LMNTD2: variants seen among roughly 807,000 people sequenced by gnomAD.
The protein encoded by LMNTD2 is lamin tail domain-containing protein 2.
A neutral mutation model predicts 70.1 loss-of-function variants in LMNTD2; 83 were observed. The ratio of observed to expected loss-of-function variants is 1.18; its 90% CI spans 0.99 to 1.42. The LOEUF is 1.42. Ranked by LOEUF, LMNTD2 falls within the 40% of genes most tolerant of loss-of-function variation. LMNTD2 has a pLI of 0.00. For missense variants in LMNTD2, 1,153 were observed against 905.9 expected, an observed-to-expected ratio of 1.27 and a Z score of -3.50; for synonymous variants, 534 against 406.1, an observed-to-expected ratio of 1.31 and a Z score of -3.79.
At chr11:558,086 A>T (rs1373305361) in intron 4 of LMNTD2, 47 bp from the exon 5 acceptor site, 1 of 1,595,116 alleles carries the variant, frequency 6.3e-7, no homozygotes, top group African/African-American at 1.3e-5. Context: ...TGTCTTCTGC[A>T]GAAGGCCCCC....
chr11:556,511 T>G lies in LMNTD2; in HGVS notation c.1054A>C (p.Ser352Arg). ...PQPCTDPDHW[S>R]PELLQSPTGL... is the part of the protein sequence containing the mutation. ...CCTTACCTCTGCAGGAGTTCCGGGC[T>G]CCAGTGGTCCGGGTCTGTGCAGGGC... The change falls in exon 9 of 14, where the codon AGC (serine) becomes CGC (arginine). Residue 352 changes from serine to arginine, a missense_variant. Ser to Arg is a moderately radical substitution (Grantham distance 110). Transcript: ENST00000329451. 1.3e-6 allele frequency: 2 copies of G among 1,553,910 alleles called. No individual in the cohort carries two copies. The highest frequency in any genetic ancestry group is 1.7e-6 in the Non-Finnish European group (2 of 1,148,798).
In LMNTD2 at chr11:558,688, C is replaced by CCGCA; in HGVS notation, c.233_236dup (p.Trp80AlafsTer122). 1 of 1,605,298 alleles carries CCGCA rather than the reference C, an allele frequency of 6.2e-7. No homozygotes were observed. Among genetic ancestry groups the CCGCA allele is most frequent in the Non-Finnish European group, 8.5e-7 (1 of 1,177,048 alleles). On this transcript the variant is annotated frameshift_variant, in exon 3 of 14. Coordinates refer to ENST00000329451, the MANE Select transcript of LMNTD2 (RefSeq NM_173573.3). LOFTEE classifies it high-confidence loss of function. ...CGTCCTCGCCATTCTGGATGGCCCA[C>CCGCA]CGCAAGGCCTGGATCTCCAGTTCTC...
At chr11:558,118 C>T in intron 4 of LMNTD2, 43 bp downstream of exon 4, 1 of 1,609,388 alleles carries the variant, frequency 6.2e-7, no homozygotes, top group Non-Finnish European at 8.5e-7. Flanking sequence ...AGCCTGGCTC[C>T]CCAACACCAG....
rs886890158 is a variant in LMNTD2 at position 559,718 on chromosome 11, T to C, written c.35-739A>G. 5.5e-5 allele frequency: 62 copies of C among 1,124,446 alleles called. No homozygotes were observed. In the African/African-American group the frequency reaches 8.7e-4, roughly 16 times the overall value. 69.7% of individuals were successfully genotyped at this position (1,124,446 alleles called of 1,614,324 possible). On this transcript the variant is annotated intron_variant, in intron 1 of 13. Transcript: ENST00000329451. ...ACAAGCTGGGGACTGTGCTGAACGC[T>C]AACTGGCAATAGTACACTCCTGCCC...
intron 4 of LMNTD2, 26 bp downstream of exon 4, chr11:558,135 G>A: frequency 8.1e-6 from 13 of 1,611,832 alleles, no homozygotes; most frequent in Non-Finnish European, 1.1e-5. Context: ...CCAGGACCCT[G>A]CCCACTCCCT....
chr11:557,950 G>C lies in LMNTD2; in HGVS notation c.489C>G (p.Cys163Trp), dbSNP rs200486753. ...ACGAGGAGCGGGCCAGCTGCAGGAG[G>C]CAGGACTTCTGCAAGTTCTGCAGCT... is the stretch of plus-strand genomic sequence containing the variant. ...EAELQNLQKS[C>W]LLQLARSSWV... The change falls in exon 5 of 14, where the codon TGC becomes TGG. Residue 163 changes from cysteine (C) to tryptophan (W), a missense_variant. Cys to Trp is a radical substitution (Grantham distance 215). Transcript: ENST00000329451. The C allele has an allele frequency of 6.3e-7, 1 of 1,599,354 alleles. No homozygotes were observed. Among genetic ancestry groups the C allele is most frequent in the Non-Finnish European group, 8.5e-7 (1 of 1,172,266 alleles).
In LMNTD2 at chr11:556,321, G is replaced by A. The variant is rs768924112; in HGVS notation, c.1128C>T (p.Ile376=). ...CCGTGCTCTCCTGCGACGGGTTGAA[G>A]ATGCGGACGAACTTCTCCCGGCAGC... ...AVSCREKFVR[I]FNPSQESTAD... The change falls in exon 10 of 14, where the codon ATC becomes ATT. Residue 376 remains isoleucine (I), a synonymous_variant. Coordinates refer to ENST00000329451, the MANE Select transcript of LMNTD2 (RefSeq NM_173573.3). 2.0e-6 allele frequency: 3 copies of A among 1,535,690 alleles called. No individual in the cohort carries two copies. Among genetic ancestry groups the A allele is most frequent in the African/African-American group, 1.4e-5 (1 of 73,048 alleles).
In LMNTD2 at chr11:555,340, C is replaced by A; in HGVS notation, c.1738G>T (p.Glu580Ter). The A allele has an allele frequency of 1.4e-6, 2 of 1,424,352 alleles. No homozygotes were observed. The highest frequency in any genetic ancestry group is 9.2e-7 in the Non-Finnish European group (1 of 1,091,676). 88.2% of individuals were successfully genotyped at this position (1,424,352 alleles called of 1,614,324 possible). ...TGTTCTTTCTGGAGCCGACAGTCCT[C>A]CAGGCCCAGCCCGGCCTCTGCGGGA... ...SPPAEAGLGL[E>*]DCRLQKEHRV... Residue 580 changes from glutamate to a stop codon, truncating the protein, a stop_gained, in exon 13 of 14, where the codon GAG (glutamate) becomes TAG (stop). Transcript: ENST00000329451. LOFTEE classifies it low-confidence loss of function (END_TRUNC).
At chr11:557,167 A>C in intron 7 of LMNTD2, 70 bp from the exon 8 acceptor site, 1 of 1,494,702 alleles carries the variant, frequency 6.7e-7, no homozygotes, top group Non-Finnish European at 8.9e-7. Flanking sequence ...CCAGCCTCAC[A>C]AGGCAGTGCA....
At chr11:556,460 G>GGC in intron 9 of LMNTD2, 32 bp downstream of exon 9, 11 of 1,549,116 alleles carry the variant, frequency 7.1e-6, no homozygotes, top group Non-Finnish European at 9.6e-6. Context: ...GCTCCAGTCC[G>GGC]GCGCCGGAGG....
chr11:558,395 G>T, intron 3 of LMNTD2, 147 bp from the exon 4 acceptor site: 1 of 1,096,254 alleles, frequency 9.1e-7, no homozygotes, highest in Non-Finnish European at 1.3e-6. Context: ...GGGCTGGCCA[G>T]CCTCCGGCTG....
At position 558,864 on chromosome 11, in the gene LMNTD2, G is replaced by C; in HGVS notation, c.150C>G (p.Ala50=). Residue 50 remains alanine (A), a synonymous_variant, in exon 2 of 14, where the codon GCC becomes GCG. Transcript: ENST00000329451. Reference sequence around the variant, plus strand: ...CTCCCTCTCCTCCTTACTGCGGGTCGGCAGAGCAGACCACCGGTGCGGGGT... The same window carrying C: ...CTCCCTCTCCTCCTTACTGCGGGTCCGCAGAGCAGACCACCGGTGCGGGGT... ...TPHPAPVVCS[A]DPQLALESLD... The C allele has an allele frequency of 1.9e-6, 3 of 1,604,558 alleles. No individual in the cohort carries two copies. The highest frequency in any genetic ancestry group is 2.6e-6 in the Non-Finnish European group (3 of 1,173,448).
rs765867141 is a variant in LMNTD2, at chr11:556,872, C to T, written c.939G>A (p.Ala313=). Residue 313 remains alanine, a synonymous_variant, in exon 8 of 14, where the codon GCG becomes GCA. Transcript: ENST00000329451. The part of the protein sequence containing the change: ...PRDHRASSEQ[A]LVQAGSYSRD... ...TGCTGTAGCTGCCGGCCTGCACCAG[C>T]GCTTGCTCGGAGGAAGCGCGGTGGT... 4.4e-6 allele frequency: 7 copies of T among 1,591,698 alleles called. No homozygotes were observed. The highest frequency in any genetic ancestry group is 1.1e-5 in the South Asian group (1 of 88,404).
Position 557,587 on chromosome 11 carries a change from C to A in LMNTD2, c.609G>T (p.Gln203His). ...CCTAGCTCACCTCCCCGGTGGGGGCCTGAATGTTTTCAGAGAGGTCGCTTG... is the reference window on the plus strand; with the variant it reads ...CCTAGCTCACCTCCCCGGTGGGGGCATGAATGTTTTCAGAGAGGTCGCTTG... ...MDPSDLSENI[Q>H]APTGEGFRLE... Residue 203 changes from glutamine to histidine, a missense_variant, in exon 6 of 14, where the codon CAG becomes CAT. Transcript: ENST00000329451. 2 of 1,613,402 alleles carry A rather than the reference C, an allele frequency of 1.2e-6. No homozygotes were observed. Among genetic ancestry groups the A allele is most frequent in the South Asian group, 2.2e-5 (2 of 91,090 alleles).
intron 1 of LMNTD2, chr11:559,797 C>T (rs543401998): frequency 4.0e-4 from 413 of 1,027,208 alleles, no homozygotes; most frequent in Non-Finnish European, 4.4e-4. Context: ...TCTTGCTCCG[C>T]TGTCCAGGCT....
rs768605763 is a variant in LMNTD2 at position 558,030 on chromosome 11, G to A, written c.409C>T (p.His137Tyr). 15 of 1,579,154 alleles carry A rather than the reference G, an allele frequency of 9.5e-6. No individual in the cohort carries two copies. In the African/African-American group the frequency reaches 1.9e-4, roughly 20 times the overall value. The change falls in exon 5 of 14, where the codon CAC becomes TAC. Residue 137 changes from histidine (H) to tyrosine (Y), a missense_variant. Transcript: ENST00000329451. ...GTCTGCAGCAGCCGCTCCTCCAGGT[G>A]CTCCTTCTCCTGCTCCGAGAGGGCC... ...QKERAQWEKEHLEERLLQTTR... is the reference protein window; with the variant it reads ...QKERAQWEKEYLEERLLQTTR...
intron 1 of LMNTD2, chr11:560,137 GCTATGTAAGGGCTCCCTGGGGGAGC>G (rs1853180778): frequency 4.5e-6 from 1 of 223,158 alleles, no homozygotes; most frequent in African/African-American, 2.3e-5. Flanking sequence ...GCAACTTTCG[GCTATGTAAGGGCTCCCTGGGGGAGC>G]ACAGGAGACA....
chr11:555,705 G>A (rs1248937149), intron 12 of LMNTD2, 29 bp downstream of exon 12: 63 of 1,375,668 alleles, frequency 4.6e-5, no homozygotes, highest in Non-Finnish European at 5.8e-5. Flanking sequence ...GGGGAGGGAG[G>A]CCAGATCCCG....
At chr11:557,788 C>T in intron 5 of LMNTD2, 96 bp downstream of exon 5, 1 of 1,522,638 alleles carries the variant, frequency 6.6e-7, no homozygotes, top group Non-Finnish European at 8.8e-7. Flanking sequence ...GGGCAGGCTT[C>T]CAGGCAGGCC....
Sources: allele counts gnomAD v4.1 joint callset, GRCh38; gene constraint gnomAD v4.1.1; transcripts MANE v1.5; gene names NCBI Gene and HGNC (gene_info 2026-07-23, HGNC 2026-07-21).